Variants in ZNF831 observed in about 807,000 individuals in gnomAD.
The protein encoded by ZNF831 is chromosome 20 open reading frame 174.
A neutral mutation model predicts 95.8 loss-of-function variants in ZNF831; 59 were observed. That is an observed-to-expected ratio of 0.62 (90% CI 0.50 to 0.77). The LOEUF (loss-of-function observed/expected upper bound fraction) is 0.77. Among genes scored for constraint, ZNF831 ranks in the 30% least tolerant of loss-of-function variants. ZNF831 has a pLI of 0.00. For missense variants in ZNF831, 2,205 were observed against 2,164.0 expected (o/e 1.02, Z -0.38); for synonymous variants, 961 against 925.5 (o/e 1.04, Z -0.70).
At chr20:59,236,359 C>T (rs1026008929) in intron 4 of ZNF831, among the ~76,000 whole-genome samples, 6 of 152,180 alleles carry the variant, frequency 3.9e-5, no homozygotes, top group Middle Eastern at 3.2e-3. Context: ...GAAGGGTCTT[C>T]CTGGCTTGCT....
At chr20:59,131,495 C>T (rs1979351105) in intron 1 of ZNF831, among the ~76,000 whole-genome samples, 1 of 152,202 alleles carries the variant, frequency 6.6e-6, no homozygotes, top group African/African-American at 2.4e-5. Context: ...CTGATACATG[C>T]CAGTGTGTCT....
chr20:59,206,171 T>G (rs1191410449), intron 3 of ZNF831, among the ~76,000 whole-genome samples: 1 of 150,832 alleles, frequency 6.6e-6, no homozygotes, highest in East Asian at 2.0e-4. Context: ...ATGAAGAATG[T>G]TGTCCAATAT....
rs889370860 is a variant in ZNF831, at chr20:59,240,612, T to C, written c.4028-12366T>C. On this transcript the variant is annotated intron_variant, in intron 4 of 5. Coordinates refer to ENST00000371030, the MANE Select transcript of ZNF831 (RefSeq NM_178457.3). The stretch of plus-strand genomic sequence containing the variant: ...GTCAGGAGATGGAGACCATCCTGGC[T>C]AACACGGTGAAACCCCGTCTCTACT... Among the ~76,000 whole-genome samples, 827 of 151,766 alleles carry C rather than the reference T, an allele frequency of 5.4e-3. 26 individuals are homozygous for C. The East Asian group carries it at 0.06, about 11-fold the overall frequency.
intron 5 of ZNF831, among the ~76,000 whole-genome samples, chr20:59,253,342 A>G (rs1988001338): frequency 6.6e-6 from 1 of 152,110 alleles, no homozygotes; most frequent in South Asian, 2.1e-4. Flanking sequence ...AAACATTGGG[A>G]TGATTTCTGA....
chr20:59,195,186 CT>C (rs1353069419), intron 2 of ZNF831, among the ~76,000 whole-genome samples: 1 of 152,130 alleles, frequency 6.6e-6, no homozygotes, highest in Non-Finnish European at 1.5e-5. Flanking sequence ...GAAGGAATTA[CT>C]GTTGATTGGA....
At chr20:59,240,749 C>G (rs1319526967) in intron 4 of ZNF831, among the ~76,000 whole-genome samples, 1 of 152,128 alleles carries the variant, frequency 6.6e-6, no homozygotes, top group Non-Finnish European at 1.5e-5. Flanking sequence ...TTGCAGTGAG[C>G]CAAGATGGCG....
chr20:59,124,141 G>A (rs1022881787), intron 1 of ZNF831, among the ~76,000 whole-genome samples: 7 of 152,106 alleles, frequency 4.6e-5, no homozygotes, highest in Non-Finnish European at 7.4e-5. Context: ...AGCAGCTCAG[G>A]AAAAATAAAC....
rs138865131 is a variant in ZNF831 at position 59,184,607 on chromosome 20, G to A, written c.-36-6377G>A. Among the ~76,000 whole-genome samples the A allele has an allele frequency of 3.3e-3, 508 of 152,322 alleles. 6 individuals are homozygous for A. The highest frequency in any genetic ancestry group is 0.012 in the African/African-American group (481 of 41,570). Reference sequence around the variant, plus strand: ...ACAGCGTAAGTGGTCCCCATACGTGGCGGAGTGGGTGATGGTGGTCCAGGA... The same window carrying A: ...ACAGCGTAAGTGGTCCCCATACGTGACGGAGTGGGTGATGGTGGTCCAGGA... On this transcript the variant is annotated intron_variant, in intron 1 of 5. Coordinates refer to ENST00000371030, the MANE Select transcript of ZNF831 (RefSeq NM_178457.3).
chr20:59,216,171 C>A (rs1275882747), intron 4 of ZNF831, among the ~76,000 whole-genome samples: 1 of 152,170 alleles, frequency 6.6e-6, no homozygotes, highest in Non-Finnish European at 1.5e-5. Flanking sequence ...AGAGCCATAC[C>A]CCCTTTTTTT....
chr20:59,150,739 A>T (rs555082997), intron 2 of ZNF831, among the ~76,000 whole-genome samples: 1 of 152,314 alleles, frequency 6.6e-6, no homozygotes, highest in African/African-American at 2.4e-5. Context: ...GCTCTCCTTG[A>T]GTCTGCCCAA....
At chr20:59,178,258 T>A (rs1352058317) in intron 1 of ZNF831, among the ~76,000 whole-genome samples, 2 of 152,190 alleles carry the variant, frequency 1.3e-5, no homozygotes, top group African/African-American at 4.8e-5. Flanking sequence ...GCCTGTGAGG[T>A]TGAATTCAAG....
intron 1 of ZNF831, among the ~76,000 whole-genome samples, chr20:59,181,992 T>C (rs763732970): frequency 1.3e-5 from 2 of 152,192 alleles, no homozygotes; most frequent in Non-Finnish European, 2.9e-5. Context: ...GCCAATCTTA[T>C]TCTGCATGCC....
chr20:59,135,691 A>G (rs1390749746), intron 1 of ZNF831, among the ~76,000 whole-genome samples: 1 of 152,158 alleles, frequency 6.6e-6, no homozygotes, highest in Non-Finnish European at 1.5e-5. Flanking sequence ...AGACTGTGCC[A>G]CTGCACTCCA....
chr20:59,254,031 T>C lies in ZNF831; in HGVS notation c.4322T>C (p.Leu1441Pro), dbSNP rs2146762930. ...GTGCCTCTACCCCCTGGCAAAGGTC[T>C]TGACCTTGGGTTGCTGGAGACTCAG... is the stretch of plus-strand genomic sequence containing the variant. ...NDVPLPPGKG[L>P]DLGLLETQLL... The change falls in exon 6 of 6, where the codon CTT (leucine) becomes CCT (proline). Residue 1441 changes from leucine to proline, a missense_variant. Leu to Pro is a moderately conservative substitution (Grantham distance 98). Transcript: ENST00000371030. This position sits in a 1 kb window ranked among gnomAD's most constrained non-coding sequence, Gnocchi z 4.5. 6.2e-7 allele frequency: 1 copy of C among 1,614,138 alleles called. No homozygotes were observed. The highest frequency in any genetic ancestry group is 1.3e-5 in the African/African-American group (1 of 75,024).
chr20:59,149,808 C>T (rs1208281952), intron 2 of ZNF831, among the ~76,000 whole-genome samples: 8 of 152,252 alleles, frequency 5.3e-5, no homozygotes, highest in Non-Finnish European at 1.2e-4. Context: ...GCCCAGTCTC[C>T]ACTGCCTTTT....
In ZNF831 at chr20:59,191,078, C is replaced by T. The variant is rs1053485381; in HGVS notation, c.59C>T (p.Thr20Ile). Residue 20 changes from threonine (T) to isoleucine (I), a missense_variant, in exon 2 of 6, where the codon ACT (threonine) becomes ATT (isoleucine). Coordinates refer to ENST00000371030, the MANE Select transcript of ZNF831 (RefSeq NM_178457.3). ...CCTGCGAGGGACCAGCCAGCTCCCA[C>T]TCCTGGCCCTCCAGGGGCCCCAGGT... ...APPARDQPAP[T>I]PGPPGAPGGQ... is the part of the protein sequence containing the mutation. 6.5e-6 allele frequency: 10 copies of T among 1,532,170 alleles called. No homozygotes were observed. Among genetic ancestry groups the T allele is most frequent in the Non-Finnish European group, 8.7e-6 (10 of 1,147,818 alleles). 94.9% of individuals were successfully genotyped at this position (1,532,170 alleles called of 1,614,324 possible).
Position 59,154,680 on chromosome 20 carries a change from G to A in ZNF831, c.-1280-4972G>A, listed in dbSNP as rs111430492. Among the ~76,000 whole-genome samples, 16 of 152,268 alleles carry A rather than the reference G, an allele frequency of 1.1e-4. 1 individual carries two copies. The highest frequency in any genetic ancestry group is 1.6e-4 in the Non-Finnish European group (11 of 68,014). On this transcript the variant is annotated intron_variant, in intron 2 of 7. Transcript: ENST00000637017. The stretch of plus-strand genomic sequence containing the variant: ...GGCATGCTGCCTGGCTTCTCTCCTC[G>A]CTCTGCCCACTTTGTGGGGACCCTG...
At chr20:59,243,097 AG>A (rs1292907857) in intron 4 of ZNF831, among the ~76,000 whole-genome samples, 3 of 152,246 alleles carry the variant, frequency 2.0e-5, no homozygotes, top group Non-Finnish European at 4.4e-5. Flanking sequence ...AAGGCAGGGC[AG>A]GGGATGAGGG....
chr20:59,211,814 C>T (rs750802506), intron 4 of ZNF831, among the ~76,000 whole-genome samples: 4 of 142,136 alleles, frequency 2.8e-5, no homozygotes, highest in African/African-American at 9.2e-5. Flanking sequence ...TGTGTTTGCT[C>T]GTGAGTGTGC....
Sources: gnomAD v4.1 joint callset for allele counts (sites outside exome capture counted in the v4.1 genomes callset) on GRCh38, gnomAD v4.1.1 for gene constraint, Gnocchi (gnomAD v3.1) non-coding constraint, MANE v1.5 for transcripts, NCBI Gene and HGNC (gene_info 2026-07-23, HGNC 2026-07-21) for gene names.